PELI2: variants seen among roughly 807,000 people sequenced by gnomAD.
PELI2 encodes pellino E3 ubiquitin protein ligase family member 2, also known as E3 ubiquitin-protein ligase pellino homolog 2.
PELI2 carries 23 observed loss-of-function variants against 42.3 expected under a neutral mutation model. The observed-to-expected ratio is 0.54, with a 90% CI of 0.39 to 0.77. The LOEUF is 0.77. PELI2 is among the 30% of genes least tolerant of loss of function. The pLI is 0.00. For missense variants in PELI2, 463 were observed against 553.2 expected, an observed-to-expected ratio of 0.84 and a Z score of 1.64; for synonymous variants, 245 against 212.2, an observed-to-expected ratio of 1.15 and a Z score of -1.34.
chr14:56,287,274 T>G (rs1450717062), intron 3 of PELI2, among the ~76,000 whole-genome samples: 1 of 152,244 alleles, frequency 6.6e-6, no homozygotes, highest in Non-Finnish European at 1.5e-5. Flanking sequence ...CGCCTAAGTT[T>G]GAAGTTGGCT....
chr14:56,170,422 A>ACATCTTTTTAAGACTC (rs1421287249), intron 1 of PELI2, among the ~76,000 whole-genome samples: 1 of 152,234 alleles, frequency 6.6e-6, no homozygotes, highest in Admixed American at 6.5e-5. Context: ...TAGGTGGCAG[A>ACATCTTTTTAAGACTC]CATCTTTTTA....
chr14:56,225,945 G>A (rs1308284883), intron 2 of PELI2, among the ~76,000 whole-genome samples: 1 of 152,120 alleles, frequency 6.6e-6, no homozygotes, highest in African/African-American at 2.4e-5. Flanking sequence ...AATATACTGT[G>A]AAACCTGGAT....
chr14:56,127,606 A>G (rs1338456775), intron 1 of PELI2, among the ~76,000 whole-genome samples: 1 of 152,220 alleles, frequency 6.6e-6, no homozygotes, highest in Non-Finnish European at 1.5e-5. Flanking sequence ...ACAAAATTTG[A>G]TAGCAGCCAC....
chr14:56,241,035 C>G (rs1887956032), intron 2 of PELI2, among the ~76,000 whole-genome samples: 1 of 152,150 alleles, frequency 6.6e-6, no homozygotes, highest in Non-Finnish European at 1.5e-5. Context: ...GAGATCTTGA[C>G]AGTCTCCCCT....
chr14:56,130,206 A>G (rs1883433869), intron 1 of PELI2, among the ~76,000 whole-genome samples: 1 of 152,008 alleles, frequency 6.6e-6, no homozygotes, highest in African/African-American at 2.4e-5. Flanking sequence ...TTGAGTGCTG[A>G]TTCTTAGCTG....
chr14:56,201,733 A>G (rs975976988), intron 2 of PELI2, among the ~76,000 whole-genome samples: 2 of 152,212 alleles, frequency 1.3e-5, no homozygotes, highest in Non-Finnish European at 2.9e-5. Flanking sequence ...TATAGTTAGT[A>G]GTGCTTAACC....
At position 56,296,688 on chromosome 14, in the gene PELI2, T is replaced by C. The variant is rs146102418; in HGVS notation, c.785T>C (p.Phe262Ser). Residue 262 changes from phenylalanine to serine, a missense_variant, in exon 6 of 6, where the codon TTT becomes TCT. Phe to Ser is a radical substitution (Grantham distance 155). Coordinates refer to ENST00000267460, the MANE Select transcript of PELI2 (RefSeq NM_021255.3). Reference sequence around the variant, plus strand: ...CTCTGGAGAACAGCAGATGGGCTTTTTCATACTCCAACTCAGAAGCACATA... The same window carrying C: ...CTCTGGAGAACAGCAGATGGGCTTTCTCATACTCCAACTCAGAAGCACATA... ...TLLWRTADGL[F>S]HTPTQKHIEA... The C allele has an allele frequency of 3.1e-5, 50 of 1,614,042 alleles. No individual in the cohort carries two copies. Among genetic ancestry groups the C allele is most frequent in the Non-Finnish European group, 2.7e-5 (32 of 1,180,006 alleles).
Position 56,147,662 on chromosome 14 carries a change from A to G in PELI2, c.77+28925A>G, listed in dbSNP as rs553258825. Among the ~76,000 whole-genome samples, 38 of 152,322 alleles carry G rather than the reference A, an allele frequency of 2.5e-4. 1 individual carries two copies. The South Asian group carries it at 6.2e-3, about 25-fold the overall frequency. On this transcript the variant is annotated intron_variant, in intron 1 of 5. Coordinates refer to ENST00000267460, the MANE Select transcript of PELI2 (RefSeq NM_021255.3). The stretch of plus-strand genomic sequence containing the variant: ...CCATGAAATCTGGGAAAATACCCCT[A>G]TAGTGATCCCCAACTGGGCTAAAAC...
chr14:56,283,388 T>G (rs1184076437), intron 3 of PELI2, among the ~76,000 whole-genome samples: 1 of 152,242 alleles, frequency 6.6e-6, no homozygotes. Flanking sequence ...TACAGTTTGG[T>G]GCCACTGCTT....
At position 56,184,812 on chromosome 14, in the gene PELI2, A is replaced by G. The variant is rs371653155; in HGVS notation, c.207+6348A>G. Among the ~76,000 whole-genome samples the G allele has an allele frequency of 1.6e-4, 25 of 152,172 alleles. 1 individual carries two copies. The highest frequency in any genetic ancestry group is 8.5e-4 in the Admixed American group (13 of 15,282). ...TTAAATTAAATGGGGGAAATTATTG[A>G]AAGAATTTGGTTTCGTATATCAATC... On this transcript the variant is annotated intron_variant, in intron 2 of 5. Coordinates refer to ENST00000267460, the MANE Select transcript of PELI2 (RefSeq NM_021255.3).
rs1478566913 is a variant in PELI2, at chr14:56,197,050, A to G, written c.207+18586A>G. On this transcript the variant is annotated intron_variant, in intron 2 of 5. Coordinates refer to ENST00000267460, the MANE Select transcript of PELI2 (RefSeq NM_021255.3). This position sits in a 1 kb window ranked among gnomAD's most constrained non-coding sequence, Gnocchi z 4.9. ...TTTCTTGCATTAGAATTTTTTGTTT[A>G]TTTAATTAATATTAATTGAGCATCT... Among the ~76,000 whole-genome samples, 3 of 152,104 alleles carry G rather than the reference A, an allele frequency of 2.0e-5. No homozygotes were observed. In the East Asian group the frequency reaches 5.8e-4, roughly 29 times the overall value.
rs1220240182 is a variant in PELI2 at position 56,299,562 on chromosome 14, T to C, written c.*2396T>C. The C allele has an allele frequency of 1.3e-5, 2 of 152,210 alleles. No homozygotes were observed. The highest frequency in any genetic ancestry group is 2.9e-5 in the Non-Finnish European group (2 of 68,036). 9.4% of individuals were successfully genotyped at this position (152,210 alleles called of 1,614,324 possible). Reference sequence around the variant, plus strand: ...AATCAGCAAAAAGGACACCAGGCTCTTCTTGGCCACTTGTAGGAAGATCCC... The same window carrying C: ...AATCAGCAAAAAGGACACCAGGCTCCTCTTGGCCACTTGTAGGAAGATCCC... On this transcript the variant is annotated 3_prime_UTR_variant, in exon 6 of 6. Transcript: ENST00000267460.
At chr14:56,233,607 A>G (rs180903258) in intron 2 of PELI2, among the ~76,000 whole-genome samples, 61 of 152,368 alleles carry the variant, frequency 4.0e-4, no homozygotes, top group African/African-American at 1.3e-3. Context: ...AATTAACTCA[A>G]GATGGATTAA....
chr14:56,122,898 C>A (rs1181038663), intron 1 of PELI2, among the ~76,000 whole-genome samples: 1 of 152,124 alleles, frequency 6.6e-6, no homozygotes, highest in Non-Finnish European at 1.5e-5. Context: ...CAATTGTAAT[C>A]CTTTGTATTT....
intron 2 of PELI2, among the ~76,000 whole-genome samples, chr14:56,198,010 A>ACC (rs1555346656): frequency 0.037 from 4,251 of 114,276 alleles, 150 homozygotes; most frequent in African/African-American, 0.09. Context: ...ACACACACAC[A>ACC]CACCCACCTC....
chr14:56,163,256 T>C (rs999406517), intron 1 of PELI2, among the ~76,000 whole-genome samples: 2 of 152,166 alleles, frequency 1.3e-5, no homozygotes, highest in African/African-American at 4.8e-5. Flanking sequence ...TTTTTGTATA[T>C]GGTGAGAGAT....
chr14:56,212,358 C>T (rs1886741472), intron 2 of PELI2, among the ~76,000 whole-genome samples: 1 of 152,224 alleles, frequency 6.6e-6, no homozygotes, highest in Admixed American at 6.5e-5. Context: ...CCTGAACTCT[C>T]CTGCCAGGGC....
At chr14:56,120,930 G>C (rs1484223933) in intron 1 of PELI2, among the ~76,000 whole-genome samples, 1 of 152,138 alleles carries the variant, frequency 6.6e-6, no homozygotes, top group Non-Finnish European at 1.5e-5. Flanking sequence ...GTAGGTTTCT[G>C]ACTGTTTACC....
intron 2 of PELI2, among the ~76,000 whole-genome samples, chr14:56,202,857 G>C (rs186792551): frequency 2.6e-5 from 4 of 152,022 alleles, no homozygotes; most frequent in African/African-American, 9.6e-5. Context: ...TACCTGTCCT[G>C]GTCTATTCAA....
Sources: allele counts gnomAD v4.1 joint callset (sites outside exome capture counted in the v4.1 genomes callset), GRCh38; gene constraint gnomAD v4.1.1; non-coding constraint Gnocchi (gnomAD v3.1); transcripts MANE v1.5; gene names NCBI Gene and HGNC (gene_info 2026-07-23, HGNC 2026-07-21).